Variants in TMEM108 observed in about 807,000 individuals in gnomAD.
TMEM108 encodes transmembrane protein 108.
Under a neutral mutation model 35.1 loss-of-function variants are expected in TMEM108, and 12 were observed. The ratio of observed to expected loss-of-function variants is 0.34; its 90% CI spans 0.22 to 0.55. The LOEUF (loss-of-function observed/expected upper bound fraction) is 0.55. Among genes scored for constraint, TMEM108 ranks in the 20% least tolerant of loss-of-function variants. The probability of loss-of-function intolerance (pLI) is 0.89; values close to 1 mark genes in which losing one functional copy is unlikely to be tolerated. For missense variants in TMEM108, 680 were observed against 753.3 expected (o/e 0.90, Z 1.14); for synonymous variants, 287 against 308.6 (o/e 0.93, Z 0.73).
At chr3:133,127,727 T>C (rs1440256838) in intron 2 of TMEM108, among the ~76,000 whole-genome samples, 1 of 152,232 alleles carries the variant, frequency 6.6e-6, no homozygotes, top group Non-Finnish European at 1.5e-5. Context: ...TTTATCTTTC[T>C]CATTGTTTCA....
At chr3:133,247,375 C>A (rs948696844) in intron 3 of TMEM108, 8 of 152,114 alleles carry the variant, frequency 5.3e-5, no homozygotes, top group Non-Finnish European at 1.2e-4. Flanking sequence ...TTTAAGCTAC[C>A]TGCCCATGTT....
At chr3:133,255,551 G>A (rs1449868130) in intron 3 of TMEM108, among the ~76,000 whole-genome samples, 1 of 152,132 alleles carries the variant, frequency 6.6e-6, no homozygotes, top group Non-Finnish European at 1.5e-5. Context: ...GTATGAGAAG[G>A]CCTAACATAA....
intron 3 of TMEM108, among the ~76,000 whole-genome samples, chr3:133,275,652 T>C (rs1427659891): frequency 6.6e-6 from 1 of 152,190 alleles, no homozygotes; most frequent in African/African-American, 2.4e-5. Context: ...TGAAATACAG[T>C]ATTTATTATT....
At chr3:133,041,038 A>G (rs1943269636) in intron 1 of TMEM108, among the ~76,000 whole-genome samples, 1 of 152,194 alleles carries the variant, frequency 6.6e-6, no homozygotes, top group African/African-American at 2.4e-5. Flanking sequence ...ATACAGCTGG[A>G]TAACAGAGCC....
At chr3:133,387,395 T>C (rs909224873) in intron 4 of TMEM108, 3 of 985,324 alleles carry the variant, frequency 3.0e-6, no homozygotes, top group Non-Finnish European at 2.4e-6. Context: ...GGAAACTCCC[T>C]GAGAGAAATA....
At chr3:133,280,021 T>C (rs983169782) in intron 3 of TMEM108, among the ~76,000 whole-genome samples, 59 of 152,160 alleles carry the variant, frequency 3.9e-4, no homozygotes, top group African/African-American at 1.4e-3. Context: ...CATTTTAATA[T>C]GTTAAATGTG....
intron 2 of TMEM108, among the ~76,000 whole-genome samples, chr3:133,139,890 CAGGGCAGTGA>C (rs1447107795): frequency 6.6e-6 from 1 of 152,170 alleles, no homozygotes; most frequent in Non-Finnish European, 1.5e-5. Flanking sequence ...CCCCCTCCAG[CAGGGCAGTGA>C]GCTGCCAGCC....
intron 3 of TMEM108, among the ~76,000 whole-genome samples, chr3:133,373,086 G>A (rs1393603620): frequency 6.6e-6 from 1 of 152,172 alleles, no homozygotes; most frequent in African/African-American, 2.4e-5. Context: ...AAGAACACTG[G>A]CCAGGCACAG....
rs1252970665 is a variant in TMEM108, at chr3:133,380,164, C to A, written c.453C>A (p.Ser151Arg). 7.4e-6 allele frequency: 12 copies of A among 1,612,874 alleles called. No individual in the cohort carries two copies. The highest frequency in any genetic ancestry group is 1.0e-5 in the Non-Finnish European group (12 of 1,179,482). Residue 151 changes from serine to arginine, a missense_variant, in exon 4 of 6, where the codon AGC becomes AGA. By Grantham distance (110) the Ser-to-Arg change is moderately radical. Transcript: ENST00000321871. The surrounding 1 kb of genome is among the most constrained non-coding windows in gnomAD (Gnocchi z 5.3). ...ILLTKPPGATSRPTTAPPRTT... is the reference protein window; with the variant it reads ...ILLTKPPGATRRPTTAPPRTT... ...TGACAAAGCCACCGGGGGCCACCAG[C>A]CGCCCCACCACAGCGCCCCCCCGCA...
rs141994727 is a variant in TMEM108, at chr3:133,162,700, T to G, written c.-46-66566T>G. The stretch of plus-strand genomic sequence containing the variant: ...TCCAGGTCTGCCAGAGCATCTTTTC[T>G]GAGCCCTTGGCTTCATTAATACACT... On this transcript the variant is annotated intron_variant, in intron 2 of 5. Transcript: ENST00000321871. Among the ~76,000 whole-genome samples, 428 of 152,368 alleles carry G rather than the reference T, an allele frequency of 2.8e-3. 2 individuals are homozygous for G. The highest frequency in any genetic ancestry group is 9.5e-3 in the African/African-American group (395 of 41,584).
intron 3 of TMEM108, among the ~76,000 whole-genome samples, chr3:133,328,869 A>C (rs1171905351): frequency 6.6e-6 from 1 of 152,136 alleles, no homozygotes; most frequent in African/African-American, 2.4e-5. Context: ...AATAATTGGG[A>C]GTGGTTGGAA....
intron 3 of TMEM108, chr3:133,378,330 G>T: frequency 1.0e-6 from 1 of 985,448 alleles, no homozygotes; most frequent in Non-Finnish European, 1.2e-6. Context: ...CCCCATCTCT[G>T]CTTCTCGCCA....
chr3:133,375,900 C>T (rs2072821197), intron 3 of TMEM108, among the ~76,000 whole-genome samples: 1 of 152,162 alleles, frequency 6.6e-6, no homozygotes. Flanking sequence ...ATGCCAGATC[C>T]CCTCTCACTG....
chr3:133,309,493 G>A (rs1156333351), intron 3 of TMEM108, among the ~76,000 whole-genome samples: 1 of 151,966 alleles, frequency 6.6e-6, no homozygotes, highest in Admixed American at 6.6e-5. Context: ...TCTCTTGTGT[G>A]CTTTTAGTGT....
At chr3:133,050,037 T>G (rs979317255) in intron 2 of TMEM108, among the ~76,000 whole-genome samples, 1 of 152,140 alleles carries the variant, frequency 6.6e-6, no homozygotes, top group Non-Finnish European at 1.5e-5. Context: ...TGTATTAATA[T>G]TACCAATATT....
Position 133,342,956 on chromosome 3 carries a change from G to T in TMEM108, c.41-36796G>T, listed in dbSNP as rs114517182. Among the ~76,000 whole-genome samples the T allele has an allele frequency of 3.8e-3, 578 of 151,754 alleles. 4 individuals are homozygous for T. Among genetic ancestry groups the T allele is most frequent in the Non-Finnish European group, 4.7e-3 (320 of 67,702 alleles). ...AGAAATGATAGATGTTTGAGATGAT[G>T]GATATGGCAATACCCTGATTTGGTT... On this transcript the variant is annotated intron_variant, in intron 3 of 5. Coordinates refer to ENST00000321871, the MANE Select transcript of TMEM108 (RefSeq NM_023943.4).
chr3:133,269,549 A>G (rs1336365508), intron 3 of TMEM108, among the ~76,000 whole-genome samples: 1 of 152,186 alleles, frequency 6.6e-6, no homozygotes. Context: ...GCATATGTCC[A>G]GATAGAGGAA....
intron 2 of TMEM108, among the ~76,000 whole-genome samples, chr3:133,157,055 A>G (rs536649691): frequency 7.7e-4 from 117 of 152,358 alleles, no homozygotes; most frequent in African/African-American, 2.7e-3. Flanking sequence ...TTCCTGGAAC[A>G]GTCTGGCTAG....
At chr3:133,395,324 G>A (rs964590474) in intron 5 of TMEM108, among the ~76,000 whole-genome samples, 1 of 152,190 alleles carries the variant, frequency 6.6e-6, no homozygotes, top group East Asian at 1.9e-4. Flanking sequence ...GGAAGGAATT[G>A]GCCCTTGAAG....
Sources: gnomAD v4.1 joint callset for allele counts (sites outside exome capture counted in the v4.1 genomes callset) on GRCh38, gnomAD v4.1.1 for gene constraint, Gnocchi (gnomAD v3.1) non-coding constraint, MANE v1.5 for transcripts, NCBI Gene and HGNC (gene_info 2026-07-23, HGNC 2026-07-21) for gene names.